The following WWP2 variants were observed in gnomAD, a reference collection of about 807,000 sequenced individuals.
WWP2 encodes the protein WW domain containing E3 ubiquitin protein ligase 2.
A neutral mutation model predicts 121.0 loss-of-function variants in WWP2; 57 were observed. The ratio of observed to expected loss-of-function variants is 0.47; its 90% CI spans 0.38 to 0.59. The LOEUF is 0.59. Ranked by LOEUF, WWP2 falls within the 20% of genes least tolerant of loss-of-function variation. The probability of loss-of-function intolerance (pLI) is 0.00; values close to 1 mark genes in which losing one functional copy is unlikely to be tolerated. For missense variants in WWP2, 962 were observed against 1,158.9 expected (o/e 0.83, Z 2.47); for synonymous variants, 449 against 441.3 (o/e 1.02, Z -0.22).
chr16:69,880,071 G>A (rs1406660253), intron 7 of WWP2, among the ~76,000 whole-genome samples: 2 of 150,536 alleles, frequency 1.3e-5, no homozygotes, highest in Admixed American at 1.3e-4. Context: ...TCTTCATGAT[G>A]TTACGTTATC....
At chr16:69,844,233 A>C (rs1313901522) in intron 6 of WWP2, among the ~76,000 whole-genome samples, 35 of 152,198 alleles carry the variant, frequency 2.3e-4, no homozygotes, top group Non-Finnish European at 2.9e-5. Flanking sequence ...GATGAATGAC[A>C]GTGTAACTGG....
At chr16:69,939,252 G>A (rs1335411930) in intron 22 of WWP2, 89 bp from the exon 23 acceptor site, 5 of 1,583,414 alleles carry the variant, frequency 3.2e-6, no homozygotes. Flanking sequence ...GCATCCTGGG[G>A]CCGAGCCCAT....
intron 8 of WWP2, among the ~76,000 whole-genome samples, chr16:69,894,658 G>A (rs1335380975): frequency 6.6e-6 from 1 of 152,202 alleles, no homozygotes; most frequent in African/African-American, 2.4e-5. Context: ...AGGGGCTAGT[G>A]AGATAGTGGT....
chr16:69,827,389 CA>C (rs1207627850), intron 4 of WWP2, among the ~76,000 whole-genome samples: 2 of 151,594 alleles, frequency 1.3e-5, no homozygotes, highest in Non-Finnish European at 1.5e-5. Flanking sequence ...GACTCCATCT[CA>C]AAAAAAATAA....
At chr16:69,874,937 G>A (rs1449722734) in intron 7 of WWP2, among the ~76,000 whole-genome samples, 7 of 151,826 alleles carry the variant, frequency 4.6e-5, no homozygotes, top group South Asian at 2.1e-4. Flanking sequence ...CAGGAGGATC[G>A]TTTGAGCCTA....
At chr16:69,773,157 A>ATTC (rs1410278622) in intron 1 of WWP2, among the ~76,000 whole-genome samples, 1 of 150,626 alleles carries the variant, frequency 6.6e-6, no homozygotes, top group Non-Finnish European at 1.5e-5. Context: ...CCTTCATTGT[A>ATTC]TTCTGTTCCT....
chr16:69,926,225 T>A (rs1397981592), intron 11 of WWP2: 1 of 152,160 alleles, frequency 6.6e-6, no homozygotes, highest in Non-Finnish European at 1.5e-5. Flanking sequence ...AAAAGGGTCA[T>A]TAGAGATGAT....
At chr16:69,869,918 T>G (rs1432439122) in intron 6 of WWP2, among the ~76,000 whole-genome samples, 1 of 152,144 alleles carries the variant, frequency 6.6e-6, no homozygotes, top group Non-Finnish European at 1.5e-5. Flanking sequence ...TGGAGGTGGA[T>G]CCTCCCAATG....
At chr16:69,762,474 C>T (rs1333836596) in intron 1 of WWP2, 83 bp downstream of exon 1, 1 of 147,038 alleles carries the variant, frequency 6.8e-6, no homozygotes, top group Non-Finnish European at 1.5e-5. Flanking sequence ...GCGGGGTGGG[C>T]CGGGGGCGGC....
At chr16:69,827,535 A>G (rs2056723548) in intron 4 of WWP2, among the ~76,000 whole-genome samples, 1 of 152,270 alleles carries the variant, frequency 6.6e-6, no homozygotes, top group South Asian at 2.1e-4. Flanking sequence ...AATGTATACA[A>G]GGGAATTTTT....
At chr16:69,894,842 G>A (rs2058083875) in intron 8 of WWP2, 2 of 152,074 alleles carry the variant, frequency 1.3e-5, no homozygotes, top group Admixed American at 6.6e-5. Flanking sequence ...CAGCTCCCTC[G>A]GTCCCACACA....
chr16:69,821,551 C>T (rs923377207), intron 4 of WWP2, among the ~76,000 whole-genome samples: 6 of 152,132 alleles, frequency 3.9e-5, no homozygotes, highest in Non-Finnish European at 7.4e-5. Context: ...CTTTGGAAGT[C>T]GGTCAGCCTC....
chr16:69,816,746 TAC>T lies in WWP2; in HGVS notation c.340+17456_340+17457del, dbSNP rs569938297. Among the ~76,000 whole-genome samples, 351 of 152,158 alleles carry T rather than the reference TAC, an allele frequency of 2.3e-3. 6 individuals are homozygous for T. The highest frequency in any genetic ancestry group is 7.9e-3 in the African/African-American group (327 of 41,522). On this transcript the variant is annotated intron_variant, in intron 4 of 23. Transcript: ENST00000359154. Reference sequence around the variant, plus strand: ...ATACACACATGCACACGTATACATATACACACGTATACATATACACATACACA... The same window carrying T: ...ATACACACATGCACACGTATACATATACACGTATACATATACACATACACA...
intron 1 of WWP2, among the ~76,000 whole-genome samples, chr16:69,772,109 G>A (rs2055430743): frequency 6.6e-6 from 1 of 151,232 alleles, no homozygotes; most frequent in Non-Finnish European, 1.5e-5. Flanking sequence ...TTACAGGCAC[G>A]CACCACTACA....
chr16:69,812,953 C>T (rs2056422689), intron 4 of WWP2, among the ~76,000 whole-genome samples: 1 of 152,138 alleles, frequency 6.6e-6, no homozygotes, highest in African/African-American at 2.4e-5. Flanking sequence ...ACACCTTCAC[C>T]TGCTAGTTTC....
intron 4 of WWP2, among the ~76,000 whole-genome samples, chr16:69,832,113 G>A (rs995652454): frequency 7.2e-5 from 11 of 152,102 alleles, no homozygotes; most frequent in Admixed American, 2.0e-4. Flanking sequence ...ACAGGTGTGA[G>A]CCACTGCGCC....
chr16:69,826,781 A>G (rs575495604), intron 4 of WWP2, among the ~76,000 whole-genome samples: 156 of 150,554 alleles, frequency 1.0e-3, no homozygotes, highest in Non-Finnish European at 1.7e-3. Flanking sequence ...ATAAAAATAC[A>G]AAAAAAAATT....
In WWP2 at chr16:69,799,088, G is replaced by A; in HGVS notation, c.219-86G>A. On this transcript the variant is annotated intron_variant, in intron 3 of 23. Transcript: ENST00000359154. The surrounding 1 kb of genome is among the most constrained non-coding windows in gnomAD (Gnocchi z 4.5). ...GCCTGTTTTGGTTCCCCCTCCCCAA[G>A]ATGTCAGCAGTTTAGTTTAAATGTT... The A allele has an allele frequency of 3.3e-6, 5 of 1,536,840 alleles. No individual in the cohort carries two copies. The highest frequency in any genetic ancestry group is 4.4e-6 in the Non-Finnish European group (5 of 1,142,888).
At chr16:69,837,069 G>T (rs941314195) in intron 4 of WWP2, among the ~76,000 whole-genome samples, 1 of 152,074 alleles carries the variant, frequency 6.6e-6, no homozygotes, top group Admixed American at 6.5e-5. Flanking sequence ...GACTACAGTT[G>T]CCTACTACCA....
Sources: allele counts gnomAD v4.1 joint callset (sites outside exome capture counted in the v4.1 genomes callset), GRCh38; gene constraint gnomAD v4.1.1; non-coding constraint Gnocchi (gnomAD v3.1); transcripts MANE v1.5; gene names NCBI Gene and HGNC (gene_info 2026-07-23, HGNC 2026-07-21).